OXR1: variants seen among roughly 807,000 people sequenced by gnomAD.
OXR1 encodes the protein oxidation resistance protein 1.
In OXR1, 41 loss-of-function variants were observed where a neutral mutation model predicts 104.6. The observed-to-expected ratio is 0.39, with a 90% CI of 0.31 to 0.51. The LOEUF is 0.51. Among genes scored for constraint, OXR1 ranks in the 20% least tolerant of loss-of-function variants. The pLI is 0.77. For synonymous variants in OXR1, 348 were observed against 348.4 expected, an observed-to-expected ratio of 1.00 and a Z score of 0.01; for missense variants, 955 against 1,031.9, an observed-to-expected ratio of 0.93 and a Z score of 1.02.
At chr8:106,597,858 A>G (rs1042455563) in intron 3 of OXR1, among the ~76,000 whole-genome samples, 3 of 151,968 alleles carry the variant, frequency 2.0e-5, no homozygotes, top group African/African-American at 7.3e-5. Flanking sequence ...TTTCCTCTTT[A>G]CTGCCCACAC....
chr8:106,535,095 T>A (rs1814391228), intron 3 of OXR1, among the ~76,000 whole-genome samples: 1 of 152,168 alleles, frequency 6.6e-6, no homozygotes, highest in Non-Finnish European at 1.5e-5. Flanking sequence ...CCCAAGTAGC[T>A]GAGACTACAG....
chr8:106,658,591 A>G (rs1322711202), intron 3 of OXR1, among the ~76,000 whole-genome samples: 1 of 152,218 alleles, frequency 6.6e-6, no homozygotes. Flanking sequence ...GGTTTGGGTC[A>G]GTCTTTCCTT....
chr8:106,418,548 T>A (rs1044328174), intron 2 of OXR1, among the ~76,000 whole-genome samples: 1 of 151,940 alleles, frequency 6.6e-6, no homozygotes, highest in African/African-American at 2.4e-5. Context: ...TTTTTAAGAG[T>A]GCTTTAAAAT....
intron 2 of OXR1, among the ~76,000 whole-genome samples, chr8:106,408,300 G>A (rs1818322596): frequency 6.6e-6 from 1 of 152,006 alleles, no homozygotes; most frequent in Non-Finnish European, 1.5e-5. Context: ...TAATTCAAAG[G>A]TGTGTTTTTT....
chr8:106,664,303 T>A (rs1826061307), intron 3 of OXR1, among the ~76,000 whole-genome samples: 1 of 152,232 alleles, frequency 6.6e-6, no homozygotes, highest in Non-Finnish European at 1.5e-5. Context: ...CCTGAAGGGC[T>A]TGTTAGAAAA....
intron 1 of OXR1, among the ~76,000 whole-genome samples, chr8:106,281,720 A>C (rs950702073): frequency 6.7e-6 from 1 of 150,046 alleles, no homozygotes; most frequent in Non-Finnish European, 1.5e-5. Flanking sequence ...GAATCGCTTG[A>C]ACTTGGGAGG....
chr8:106,637,563 A>C (rs1021446956), intron 3 of OXR1, among the ~76,000 whole-genome samples: 1 of 152,206 alleles, frequency 6.6e-6, no homozygotes, highest in Non-Finnish European at 1.5e-5. Flanking sequence ...TAGACGGTAC[A>C]TTCTTCCAAC....
At chr8:106,346,911 C>T (rs1354270483) in intron 1 of OXR1, among the ~76,000 whole-genome samples, 6 of 152,120 alleles carry the variant, frequency 3.9e-5, no homozygotes, top group Admixed American at 3.3e-4. Context: ...GGCGTGGTGG[C>T]GGGCACCTGT....
intron 1 of OXR1, among the ~76,000 whole-genome samples, chr8:106,340,704 A>T (rs1229686583): frequency 6.6e-6 from 1 of 152,150 alleles, no homozygotes; most frequent in Non-Finnish European, 1.5e-5. Context: ...TGCTATATTC[A>T]TGGCACTTAG....
intron 1 of OXR1, among the ~76,000 whole-genome samples, chr8:106,323,995 C>T (rs1359241590): frequency 2.6e-5 from 4 of 152,170 alleles, no homozygotes; most frequent in Non-Finnish European, 5.9e-5. Flanking sequence ...TTCAACCCAG[C>T]AATCCCATTA....
At chr8:106,280,410 C>T (rs1488229654) in intron 1 of OXR1, among the ~76,000 whole-genome samples, 1 of 152,174 alleles carries the variant, frequency 6.6e-6, no homozygotes, top group Admixed American at 6.5e-5. Flanking sequence ...CTGCTTCATG[C>T]CTTTCTCTTA....
intron 2 of OXR1, among the ~76,000 whole-genome samples, chr8:106,492,449 A>G (rs531452567): frequency 6.6e-6 from 1 of 152,336 alleles, no homozygotes; most frequent in South Asian, 2.1e-4. Context: ...CTAAATTCTC[A>G]GTGTGTTCAC....
At chr8:106,700,057 A>T (rs2131342927) in intron 7 of OXR1, among the ~76,000 whole-genome samples, 1 of 152,064 alleles carries the variant, frequency 6.6e-6, no homozygotes, top group African/African-American at 2.4e-5. Context: ...TTTTTACTTT[A>T]TTTTCTAATA....
chr8:106,302,058 A>G (rs1448788995), intron 1 of OXR1, among the ~76,000 whole-genome samples: 1 of 152,206 alleles, frequency 6.6e-6, no homozygotes, highest in Non-Finnish European at 1.5e-5. Flanking sequence ...AGACCTGTCT[A>G]CTTATAGCAA....
intron 2 of OXR1, among the ~76,000 whole-genome samples, chr8:106,394,080 A>G (rs994988831): frequency 6.6e-6 from 1 of 152,070 alleles, no homozygotes; most frequent in Non-Finnish European, 1.5e-5. Flanking sequence ...ACTGTTGTAC[A>G]GATATACTAT....
intron 2 of OXR1, among the ~76,000 whole-genome samples, chr8:106,420,760 TA>T (rs1818872878): frequency 9.7e-6 from 1 of 102,904 alleles, no homozygotes; most frequent in African/African-American, 5.8e-5. Flanking sequence ...GTGTGTGTGT[TA>T]GTTACTAGCC....
intron 1 of OXR1, among the ~76,000 whole-genome samples, chr8:106,306,681 G>T (rs527490575): frequency 6.6e-6 from 1 of 152,078 alleles, no homozygotes; most frequent in Non-Finnish European, 1.5e-5. Context: ...TGTATGATTC[G>T]ATTTTTATCA....
At chr8:106,590,390 C>G (rs1454534409) in intron 3 of OXR1, among the ~76,000 whole-genome samples, 2 of 152,306 alleles carry the variant, frequency 1.3e-5, no homozygotes, top group South Asian at 4.2e-4. Flanking sequence ...TGGGTTCAAG[C>G]GATTTTCCTG....
At chr8:106,506,706 C>G (rs953327898) in intron 2 of OXR1, among the ~76,000 whole-genome samples, 1 of 151,846 alleles carries the variant, frequency 6.6e-6, no homozygotes, top group African/African-American at 2.4e-5. Context: ...CAGAGGGAGG[C>G]CCAACTGGAC....
Sources: gnomAD v4.1 joint callset for allele counts (sites outside exome capture counted in the v4.1 genomes callset) on GRCh38, gnomAD v4.1.1 for gene constraint, MANE v1.5 for transcripts, NCBI Gene and HGNC (gene_info 2026-07-23, HGNC 2026-07-21) for gene names.